LRRC23: variants seen among roughly 807,000 people sequenced by gnomAD.
The protein encoded by LRRC23 is leucine-rich repeat-containing protein 23.
LRRC23 carries 28 observed loss-of-function variants against 37.7 expected under a neutral mutation model. That is an observed-to-expected ratio of 0.74 (90% CI 0.55 to 1.02). LRRC23 has a LOEUF of 1.02. Ranked by LOEUF, LRRC23 falls within the 50% of genes least tolerant of loss-of-function variation. The pLI is 0.00. For missense variants in LRRC23, 377 were observed against 413.2 expected (o/e 0.91, Z 0.76); for synonymous variants, 161 against 165.4 (o/e 0.97, Z 0.20).
Position 6,913,551 on chromosome 12 carries a change from GTTTGTTTT to G in LRRC23, c.*25-336_*25-329del, listed in dbSNP as rs1384975664. The stretch of plus-strand genomic sequence containing the variant: ...TAGGGGAGAGGCTTTATTTACCTCT[GTTTGTTTT>G]TTTTTTTTTTTTTTTTTTTTTTTTG... On this transcript the variant is annotated intron_variant, in intron 7 of 7. Coordinates refer to ENST00000443597, the MANE Select transcript of LRRC23 (RefSeq NM_001135217.2). Among the ~76,000 whole-genome samples, 336 of 78,148 alleles carry G rather than the reference GTTTGTTTT, an allele frequency of 4.3e-3. 52 individuals are homozygous for G. The highest frequency in any genetic ancestry group is 0.016 in the African/African-American group (316 of 19,520). 51.3% of individuals were successfully genotyped at this position (78,148 alleles called of 152,430 possible).
At chr12:6,912,489 G>A (rs782458181) in intron 6 of LRRC23, among the ~76,000 whole-genome samples, 1 of 152,130 alleles carries the variant, frequency 6.6e-6, no homozygotes. Context: ...TGCACCAAAA[G>A]AACACATGAA....
rs782432250 is a variant in LRRC23, at chr12:6,907,463, A to AG, written c.621+21dup. On this transcript the variant is annotated intron_variant, in intron 5 of 7. Transcript: ENST00000443597. Reference sequence around the variant, plus strand: ...TCTACCTGGTAGCTCACTGGGTCAGAGGGTGGTGCAGGGAAGAGGGCACTG... The same window carrying AG: ...TCTACCTGGTAGCTCACTGGGTCAGAGGGGTGGTGCAGGGAAGAGGGCACTG... 3 of 1,613,940 alleles carry AG rather than the reference A, an allele frequency of 1.9e-6. No homozygotes were observed. The South Asian group carries it at 3.3e-5, about 18-fold the overall frequency.
Position 6,906,528 on chromosome 12 carries a change from A to G in LRRC23, c.356A>G (p.Lys119Arg). 1 of 1,614,202 alleles carries G rather than the reference A, an allele frequency of 6.2e-7. No individual in the cohort carries two copies. The highest frequency in any genetic ancestry group is 8.5e-7 in the Non-Finnish European group (1 of 1,180,032). ...TACCTCACCCACCTGCTCTGGCTCA[A>G]GGCTGATGGCAATCGGCTGCGAAGT... ...LNYLTHLLWL[K>R]ADGNRLRSAQ... Residue 119 changes from lysine (K) to arginine (R), a missense_variant, in exon 4 of 8, where the codon AAG becomes AGG. Around this residue, in one of 3 missense-constraint regions of LRRC23, gnomAD observed 266 missense variants for 285.6 expected, o/e 0.93. Coordinates refer to ENST00000443597, the MANE Select transcript of LRRC23 (RefSeq NM_001135217.2).
intron 5 of LRRC23, among the ~76,000 whole-genome samples, chr12:6,909,007 A>C (rs1945027903): frequency 9.0e-6 from 1 of 111,432 alleles, no homozygotes; most frequent in African/African-American, 3.4e-5. Flanking sequence ...TAAGCTAGGG[A>C]CTGTGGATGA....
At chr12:6,908,662 CAA>C (rs34377913) in intron 5 of LRRC23, among the ~76,000 whole-genome samples, 9 of 104,838 alleles carry the variant, frequency 8.6e-5, no homozygotes, top group Non-Finnish European at 1.0e-4. Context: ...ACTAAAAATA[CAA>C]AAAAAAAAAA....
At chr12:6,911,822 A>G (rs782326076) in intron 6 of LRRC23, among the ~76,000 whole-genome samples, 10 of 152,322 alleles carry the variant, frequency 6.6e-5, no homozygotes, top group Admixed American at 6.5e-4. Context: ...AAACCTGGGC[A>G]ACATAGTGAG....
rs374910486 is a variant in LRRC23, at chr12:6,910,059, T to A, written c.758+33T>A. ...CCCTCTCCAAGCCCCACCTTGCCCC[T>A]ACCCCTGACCAGGTGCAGCTTTTGA... On this transcript the variant is annotated intron_variant, in intron 6 of 7. Coordinates refer to ENST00000443597, the MANE Select transcript of LRRC23 (RefSeq NM_001135217.2). 1.1e-5 allele frequency: 18 copies of A among 1,579,626 alleles called. No homozygotes were observed. In the African/African-American group the frequency reaches 2.3e-4, roughly 20 times the overall value.
intron 6 of LRRC23, among the ~76,000 whole-genome samples, chr12:6,910,570 A>T (rs892394583): frequency 9.2e-5 from 14 of 152,120 alleles, no homozygotes; most frequent in Non-Finnish European, 1.9e-4. Context: ...TTAGCCAGGC[A>T]TGGTGACAGG....
At chr12:6,909,110 ATTAC>A (rs1945043413) in intron 5 of LRRC23, among the ~76,000 whole-genome samples, 1 of 29,868 alleles carries the variant, frequency 3.3e-5, no homozygotes, top group Non-Finnish European at 4.6e-5. Flanking sequence ...ATAATATATA[ATTAC>A]ATATAATATA....
chr12:6,912,319 T>A (rs1555140859), intron 6 of LRRC23, among the ~76,000 whole-genome samples: 1 of 152,128 alleles, frequency 6.6e-6, no homozygotes, highest in Non-Finnish European at 1.5e-5. Context: ...CTAATTTTTT[T>A]ATTTTTAGCT....
At chr12:6,908,596 C>CAAAAAAAA (rs61662814) in intron 5 of LRRC23, among the ~76,000 whole-genome samples, 11 of 31,082 alleles carry the variant, frequency 3.5e-4, no homozygotes, top group African/African-American at 9.8e-4. Flanking sequence ...GACTCCATCT[C>CAAAAAAAA]AAAAAAAAAA....
In LRRC23 at chr12:6,907,228, T is replaced by C. The variant is rs1296380896; in HGVS notation, c.491-87T>C. On this transcript the variant is annotated intron_variant, in intron 4 of 7. Transcript: ENST00000443597. ...AGTATCTACCCTGCTTTGCGAATGG[T>C]AGGATGATTTAGAGGCTCCCCAAAT... The C allele has an allele frequency of 1.6e-5, 24 of 1,513,790 alleles. No homozygotes were observed. The African/African-American group carries it at 2.5e-4, about 16-fold the overall frequency. 93.8% of individuals were successfully genotyped at this position (1,513,790 alleles called of 1,614,324 possible).
chr12:6,905,967 G>A lies in LRRC23; in HGVS notation c.236+13G>A. The stretch of plus-strand genomic sequence containing the variant: ...AGGTTAAAGAGAGGTGCGTTTTGGG[G>A]GGACCAGATGAGGACTGTGAGACTG... On this transcript the variant is annotated intron_variant, in intron 3 of 7. Transcript: ENST00000443597. 6.2e-7 allele frequency: 1 copy of A among 1,607,564 alleles called. No homozygotes were observed. The highest frequency in any genetic ancestry group is 8.5e-7 in the Non-Finnish European group (1 of 1,174,536).
rs151056534 is a variant in LRRC23 at position 6,912,767 on chromosome 12, C to T, written c.796C>T (p.Leu266Phe). 138 of 1,614,012 alleles carry T rather than the reference C, an allele frequency of 8.6e-5. No individual in the cohort carries two copies. The highest frequency in any genetic ancestry group is 1.1e-4 in the Non-Finnish European group (130 of 1,180,022). The change falls in exon 7 of 8, where the codon CTT (leucine) becomes TTT (phenylalanine). Residue 266 changes from leucine to phenylalanine, a missense_variant. Physicochemically the swap from Leu to Phe is conservative, Grantham distance 22. This residue lies in a region of LRRC23 where 266 missense variants were observed against 285.6 expected (regional missense o/e 0.93). Transcript: ENST00000443597. Reference protein sequence around the residue: ...MVANLGELAKLRDLPKLRALV... With the variant: ...MVANLGELAKFRDLPKLRALV... ...GGCCAACCTGGGGGAGCTGGCCAAG[C>T]TTCGAGACCTGCCCAAGCTGCGAGC...
chr12:6,911,081 C>T (rs1555140677), intron 6 of LRRC23, among the ~76,000 whole-genome samples: 1 of 152,148 alleles, frequency 6.6e-6, no homozygotes, highest in Non-Finnish European at 1.5e-5. Flanking sequence ...TGAGCCCCAC[C>T]TGTAAGGGAT....
rs1359904132 is a variant in LRRC23 at position 6,914,172 on chromosome 12, G to A, written c.*306G>A. ...CGCGGGGTGCTGGTAGGAGTGGTTG[G>A]AGAGACTTGCGAAGGCGGCTGGGGT... is the stretch of plus-strand genomic sequence containing the variant. On this transcript the variant is annotated 3_prime_UTR_variant, in exon 8 of 8. Transcript: ENST00000443597. This position sits in a 1 kb window ranked among gnomAD's most constrained non-coding sequence, Gnocchi z 7.1. 6.9e-6 allele frequency: 8 copies of A among 1,161,920 alleles called. No individual in the cohort carries two copies. Among genetic ancestry groups the A allele is most frequent in the Non-Finnish European group, 7.2e-6 (6 of 838,158 alleles). The allele number at this position is 1,161,920 out of a possible 1,614,324, so 72.0% of individuals were successfully genotyped here. A position where few individuals can be genotyped will look rare whatever the true frequency, so the allele number is the denominator to read the frequency against.
In LRRC23 at chr12:6,906,284, T is replaced by C. The variant is rs1944944700; in HGVS notation, c.237-125T>C. 3 of 908,528 alleles carry C rather than the reference T, an allele frequency of 3.3e-6. No individual in the cohort carries two copies. The East Asian group carries it at 7.2e-5, about 22-fold the overall frequency. 56.3% of individuals were successfully genotyped at this position (908,528 alleles called of 1,614,324 possible). ...CTCTTACCCTTCTTCTCCCCTACCA[T>C]CTGTTGCCCATTCTTCTCCCCATTA... On this transcript the variant is annotated intron_variant, in intron 3 of 7. Transcript: ENST00000443597.
In LRRC23 at chr12:6,914,101, G is replaced by A; in HGVS notation, c.*235G>A. Reference sequence around the variant, plus strand: ...GAGCGTTGCCTGGAGCCTAGGCCGGGGGCCGCCCTCGGGCAGGCGTGGGTG... The same window carrying A: ...GAGCGTTGCCTGGAGCCTAGGCCGGAGGCCGCCCTCGGGCAGGCGTGGGTG... On this transcript the variant is annotated 3_prime_UTR_variant, in exon 8 of 8. Transcript: ENST00000443597. This position sits in a 1 kb window ranked among gnomAD's most constrained non-coding sequence, Gnocchi z 7.1. The A allele has an allele frequency of 6.6e-7, 1 of 1,518,380 alleles. No homozygotes were observed. The highest frequency in any genetic ancestry group is 8.8e-7 in the Non-Finnish European group (1 of 1,136,014). The allele number at this position is 1,518,380 out of a possible 1,614,324, so 94.1% of individuals were successfully genotyped here.
chr12:6,907,363 G>C lies in LRRC23; in HGVS notation c.539G>C (p.Ser180Thr). 2 of 1,613,994 alleles carry C rather than the reference G, an allele frequency of 1.2e-6. No individual in the cohort carries two copies. The highest frequency in any genetic ancestry group is 1.7e-6 in the Non-Finnish European group (2 of 1,179,976). Residue 180 changes from serine (S) to threonine (T), a missense_variant, in exon 5 of 8, where the codon AGC becomes ACC. Around this residue, in one of 3 missense-constraint regions of LRRC23, gnomAD observed 266 missense variants for 285.6 expected, o/e 0.93. Transcript: ENST00000443597. Reference sequence around the variant, plus strand: ...GGTCTGGACCCCGAGAAGTTGATCAGCCTGCACACAGTGGAGCTTCGGGGG... The same window carrying C: ...GGTCTGGACCCCGAGAAGTTGATCACCCTGCACACAGTGGAGCTTCGGGGG... ...VTGLDPEKLI[S>T]LHTVELRGNQ...
Sources: gnomAD v4.1 joint callset for allele counts (sites outside exome capture counted in the v4.1 genomes callset) on GRCh38, gnomAD v4.1.1 for gene constraint, gnomAD v4.1.1 regional missense constraint, Gnocchi (gnomAD v3.1) non-coding constraint, MANE v1.5 for transcripts, NCBI Gene and HGNC (gene_info 2026-07-23, HGNC 2026-07-21) for gene names.